STK33: variants seen among roughly 807,000 people sequenced by gnomAD.
STK33 encodes serine/threonine-protein kinase 33.
A neutral mutation model predicts 58.0 loss-of-function variants in STK33; 52 were observed. That is an observed-to-expected ratio of 0.90 (90% CI 0.72 to 1.13). STK33 has a LOEUF of 1.13. STK33 is among the 50% of genes most tolerant of loss of function. The pLI is 0.00. For missense variants in STK33, 630 were observed against 604.2 expected, an observed-to-expected ratio of 1.04 and a Z score of -0.45; for synonymous variants, 215 against 200.1, an observed-to-expected ratio of 1.07 and a Z score of -0.63.
At chr11:8,471,813 T>C (rs1159097251) in intron 6 of STK33, among the ~76,000 whole-genome samples, 3 of 152,134 alleles carry the variant, frequency 2.0e-5, no homozygotes, top group Non-Finnish European at 4.4e-5. Context: ...AATTTTTAAA[T>C]TGGTTATATC....
chr11:8,387,035 G>T (rs1187825486), downstream of STK33, among the ~76,000 whole-genome samples: 1 of 152,220 alleles, frequency 6.6e-6, no homozygotes, highest in Non-Finnish European at 1.5e-5. Flanking sequence ...TCTAAAGACT[G>T]CTCCAGACAA....
chr11:8,370,101 A>G, the STK33 span, among the ~76,000 whole-genome samples: 3 of 152,178 alleles, frequency 2.0e-5, no homozygotes, highest in African/African-American at 7.2e-5. Context: ...TGCCCTCCCA[A>G]GGGCCAGGGC....
intron 14 of STK33, among the ~76,000 whole-genome samples, chr11:8,422,129 T>A (rs1942009518): frequency 1.3e-5 from 2 of 152,178 alleles, no homozygotes; most frequent in Admixed American, 1.3e-4. Context: ...TGACATTTTC[T>A]GCAACATTTT....
intron 14 of STK33, among the ~76,000 whole-genome samples, chr11:8,426,905 C>T (rs1942838955): frequency 6.6e-6 from 1 of 152,150 alleles, no homozygotes; most frequent in African/African-American, 2.4e-5. Context: ...TCTCCTTTAG[C>T]ACACTTTCAT....
the STK33 span, among the ~76,000 whole-genome samples, chr11:8,343,491 T>C: frequency 6.6e-6 from 1 of 152,218 alleles, no homozygotes; most frequent in Non-Finnish European, 1.5e-5. Flanking sequence ...CTCAGTCAGC[T>C]GTCCCTGTGA....
intron 1 of STK33, among the ~76,000 whole-genome samples, chr11:8,522,430 C>T (rs946920027): frequency 3.4e-5 from 5 of 148,642 alleles, no homozygotes; most frequent in African/African-American, 1.3e-4. Context: ...ACAATGAGAA[C>T]AGTTGGACAC....
At chr11:8,553,302 T>G (rs1956499719) in intron 1 of STK33, among the ~76,000 whole-genome samples, 1 of 147,154 alleles carries the variant, frequency 6.8e-6, no homozygotes, top group Non-Finnish European at 1.5e-5. Flanking sequence ...ACATAATTGC[T>G]TATTATTATC....
intron 7 of STK33, among the ~76,000 whole-genome samples, chr11:8,463,006 T>C (rs1947754659): frequency 6.6e-6 from 1 of 152,086 alleles, no homozygotes; most frequent in Non-Finnish European, 1.5e-5. Context: ...TGGAAATGGA[T>C]TAGTCATAAG....
intron 6 of STK33, among the ~76,000 whole-genome samples, chr11:8,472,544 G>A (rs1008748017): frequency 1.3e-5 from 2 of 152,146 alleles, no homozygotes; most frequent in South Asian, 2.1e-4. Context: ...CATTTATTAA[G>A]TATACCATCT....
chr11:8,515,864 G>A (rs2311390), intron 1 of STK33, among the ~76,000 whole-genome samples: 35,368 of 152,042 alleles, frequency 0.23, 4,404 homozygotes, highest in Middle Eastern at 0.31. Context: ...GACCATATAT[G>A]AAAAGCCCAT....
At chr11:8,337,264 G>A in the STK33 span, among the ~76,000 whole-genome samples, 27 of 152,322 alleles carry the variant, frequency 1.8e-4, no homozygotes, top group East Asian at 3.7e-3. Context: ...AGTCGCCTGC[G>A]TGTGATTCCC....
intron 1 of STK33, among the ~76,000 whole-genome samples, chr11:8,587,492 C>T (rs1402453512): frequency 2.6e-5 from 4 of 151,590 alleles, no homozygotes; most frequent in Non-Finnish European, 4.4e-5. Flanking sequence ...ACACGAGGCA[C>T]ACCTCCCTAT....
chr11:8,581,972 G>C (rs2030391153), intron 1 of STK33, among the ~76,000 whole-genome samples: 1 of 152,190 alleles, frequency 6.6e-6, no homozygotes, highest in Non-Finnish European at 1.5e-5. Flanking sequence ...CAACAATCCA[G>C]TTATTAAGTG....
chr11:8,530,222 G>GT (rs1382320735), intron 1 of STK33, among the ~76,000 whole-genome samples: 4 of 151,640 alleles, frequency 2.6e-5, no homozygotes, highest in Admixed American at 2.0e-4. Flanking sequence ...TACCACACTG[G>GT]TTTTTTTTAC....
At chr11:8,421,457 A>G (rs775864611) in intron 14 of STK33, among the ~76,000 whole-genome samples, 1 of 152,146 alleles carries the variant, frequency 6.6e-6, no homozygotes, top group Non-Finnish European at 1.5e-5. Flanking sequence ...ATACACCTGG[A>G]TATGTTTCTG....
intron 6 of STK33, among the ~76,000 whole-genome samples, chr11:8,469,106 C>T (rs1232358428): frequency 1.3e-5 from 2 of 152,178 alleles, no homozygotes; most frequent in Non-Finnish European, 2.9e-5. Flanking sequence ...AAAAATAAGA[C>T]AACCATGAAG....
chr11:8,492,890 T>G (rs1950739078), intron 1 of STK33, among the ~76,000 whole-genome samples: 1 of 152,194 alleles, frequency 6.6e-6, no homozygotes, highest in Non-Finnish European at 1.5e-5. Flanking sequence ...AGATGTTCTT[T>G]GAAACCAATG....
At position 8,544,860 on chromosome 11, in the gene STK33, C is replaced by T. The variant is rs537585241; in HGVS notation, c.-466+49223G>A. 7.9e-5 allele frequency among the ~76,000 whole-genome samples: 12 copies of T among 152,216 alleles called. No individual in the cohort carries two copies. The East Asian group carries it at 2.3e-3, about 29-fold the overall frequency. On this transcript the variant is annotated intron_variant, in intron 1 of 15. Coordinates refer to ENST00000687296, the MANE Select transcript of STK33 (RefSeq NM_001352389.2). The stretch of plus-strand genomic sequence containing the variant: ...CTGTACTTTTAGTTGTCCTTAGAGA[C>T]AAATGTTTCTATGAGAAATAAATCA...
At chr11:8,399,696 G>C (rs1850038103) in intron 15 of STK33, among the ~76,000 whole-genome samples, 2 of 152,094 alleles carry the variant, frequency 1.3e-5, no homozygotes, top group African/African-American at 4.8e-5. Flanking sequence ...TTTTTGAAAA[G>C]ATCAACAAAA....
Sources: gnomAD v4.1 joint callset for allele counts (sites outside exome capture counted in the v4.1 genomes callset) on GRCh38, gnomAD v4.1.1 for gene constraint, MANE v1.5 for transcripts, NCBI Gene and HGNC (gene_info 2026-07-23, HGNC 2026-07-21) for gene names.